PSMD1: variants seen among roughly 807,000 people sequenced by gnomAD.
PSMD1 encodes the protein 26S proteasome non-ATPase regulatory subunit 1.
A neutral mutation model predicts 119.0 loss-of-function variants in PSMD1; 18 were observed. That is an observed-to-expected ratio of 0.15 (90% CI 0.10 to 0.22). PSMD1 has a LOEUF of 0.22. Ranked by LOEUF, PSMD1 falls within the 10% of genes least tolerant of loss-of-function variation. PSMD1 has a pLI of 1.00. For missense variants in PSMD1, 702 were observed against 1,158.5 expected (o/e 0.61, Z 5.72); for synonymous variants, 374 against 396.6 (o/e 0.94, Z 0.68).
chr2:231,167,908 C>T (rs1696825648), intron 23 of PSMD1, among the ~76,000 whole-genome samples: 1 of 152,168 alleles, frequency 6.6e-6, no homozygotes, highest in Non-Finnish European at 1.5e-5. Context: ...CATCATTACT[C>T]ATTAGGAAAT....
chr2:231,110,868 T>C (rs74676741), intron 16 of PSMD1, among the ~76,000 whole-genome samples: 3,646 of 152,272 alleles, frequency 0.024, 151 homozygotes, highest in African/African-American at 0.084. Flanking sequence ...AGAAACCATA[T>C]ACGCCCTGCA....
intron 16 of PSMD1, among the ~76,000 whole-genome samples, chr2:231,116,355 A>G (rs961368851): frequency 6.6e-6 from 1 of 152,186 alleles, no homozygotes; most frequent in Non-Finnish European, 1.5e-5. Context: ...TATTGATTGC[A>G]GTTAAGGATT....
rs985416909 is a variant in PSMD1 at position 231,087,046 on chromosome 2, T to A, written c.1819-71T>A. 1.0e-5 allele frequency: 13 copies of A among 1,278,256 alleles called. No homozygotes were observed. The African/African-American group carries it at 1.9e-4, about 19-fold the overall frequency. The allele number at this position is 1,278,256 out of a possible 1,614,324, so 79.2% of individuals were successfully genotyped here. On this transcript the variant is annotated intron_variant, in intron 15 of 24. Transcript: ENST00000308696. ...GTATACACTCACTGTTGAATGATGC[T>A]GACCTCTCATGTCAGTTTGGTCTAG...
At chr2:231,088,604 C>A (rs1694511577) in intron 16 of PSMD1, among the ~76,000 whole-genome samples, 1 of 152,190 alleles carries the variant, frequency 6.6e-6, no homozygotes. Context: ...ACACCACGAA[C>A]CACACCCATG....
chr2:231,079,653 GA>G, intron 11 of PSMD1, 39 bp downstream of exon 11: 2 of 1,324,346 alleles, frequency 1.5e-6, no homozygotes, highest in Non-Finnish European at 2.1e-6. Flanking sequence ...CATCAGAAAA[GA>G]AGTAATTTTT....
chr2:231,057,113 C>A, intron 1 of PSMD1, 72 bp downstream of exon 1: 1 of 1,421,804 alleles, frequency 7.0e-7, no homozygotes, highest in South Asian at 1.5e-5. Context: ...GAGTCAGGGC[C>A]GGTGACTGGG....
chr2:231,151,237 C>T (rs1036466566), intron 18 of PSMD1, among the ~76,000 whole-genome samples: 2 of 151,924 alleles, frequency 1.3e-5, no homozygotes, highest in East Asian at 3.8e-4. Context: ...AATCTTAATC[C>T]TCACCCTGAT....
chr2:231,106,656 C>T (rs1031777514), intron 16 of PSMD1, among the ~76,000 whole-genome samples: 6 of 152,000 alleles, frequency 3.9e-5, no homozygotes, highest in Non-Finnish European at 7.4e-5. Flanking sequence ...GGAAATTTTT[C>T]TTAAGGGTTT....
At chr2:231,138,883 C>A in intron 17 of PSMD1, 33 bp downstream of exon 17, 1 of 1,498,746 alleles carries the variant, frequency 6.7e-7, no homozygotes, top group Non-Finnish European at 9.3e-7. Flanking sequence ...TCAGTTCTTT[C>A]TTGGCGCCAG....
chr2:231,073,737 A>G (rs1447230620), intron 7 of PSMD1, among the ~76,000 whole-genome samples: 1 of 151,970 alleles, frequency 6.6e-6, no homozygotes, highest in Non-Finnish European at 1.5e-5. Flanking sequence ...TTATATCCCT[A>G]AGTATAATTT....
chr2:231,102,618 G>A (rs1302557679), intron 16 of PSMD1, among the ~76,000 whole-genome samples: 4 of 151,968 alleles, frequency 2.6e-5, no homozygotes, highest in Admixed American at 6.6e-5. Flanking sequence ...AAGTGCAAGC[G>A]GATCATCAGA....
chr2:231,068,564 TA>T (rs1693962280), intron 5 of PSMD1, among the ~76,000 whole-genome samples: 1 of 152,166 alleles, frequency 6.6e-6, no homozygotes, highest in South Asian at 2.1e-4. Context: ...ATTCCGGAAA[TA>T]AACAATTCAT....
At chr2:231,067,550 A>G (rs1010983418) in intron 5 of PSMD1, among the ~76,000 whole-genome samples, 11 of 152,068 alleles carry the variant, frequency 7.2e-5, no homozygotes, top group African/African-American at 2.7e-4. Context: ...CTCACCAGCT[A>G]TTTCTTTCCA....
intron 16 of PSMD1, among the ~76,000 whole-genome samples, chr2:231,106,207 T>A (rs569561300): frequency 3.3e-5 from 5 of 152,162 alleles, no homozygotes; most frequent in Admixed American, 3.3e-4. Context: ...GTGGTAAGAG[T>A]TTGTGGCTTG....
chr2:231,076,053 A>T (rs1694155042), intron 8 of PSMD1, among the ~76,000 whole-genome samples: 1 of 152,216 alleles, frequency 6.6e-6, no homozygotes, highest in South Asian at 2.1e-4. Flanking sequence ...GTAAAGATTA[A>T]AGTTTTAAAA....
At chr2:231,076,248 C>T (rs570622951) in intron 8 of PSMD1, among the ~76,000 whole-genome samples, 22 of 152,178 alleles carry the variant, frequency 1.4e-4, no homozygotes, top group East Asian at 1.4e-3. Context: ...ATGTTTGCAG[C>T]GTATTGGAAG....
At chr2:231,167,269 T>G (rs1286390468) in intron 23 of PSMD1, among the ~76,000 whole-genome samples, 1 of 152,190 alleles carries the variant, frequency 6.6e-6, no homozygotes, top group East Asian at 1.9e-4. Context: ...GTCTGTAAAC[T>G]TATCTTACCA....
intron 16 of PSMD1, among the ~76,000 whole-genome samples, chr2:231,099,915 T>C (rs1694823264): frequency 6.6e-6 from 1 of 152,034 alleles, no homozygotes; most frequent in Non-Finnish European, 1.5e-5. Context: ...CTCCCACGGC[T>C]TCTCCTTCCT....
At chr2:231,112,511 T>G (rs1259381620) in intron 16 of PSMD1, among the ~76,000 whole-genome samples, 1 of 152,254 alleles carries the variant, frequency 6.6e-6, no homozygotes, top group Non-Finnish European at 1.5e-5. Flanking sequence ...AATATGAAGG[T>G]CAATCTCATT....
Sources: gnomAD v4.1 joint callset for allele counts (sites outside exome capture counted in the v4.1 genomes callset) on GRCh38, gnomAD v4.1.1 for gene constraint, MANE v1.5 for transcripts, NCBI Gene and HGNC (gene_info 2026-07-23, HGNC 2026-07-21) for gene names.